Variants in BEST1 observed in about 807,000 individuals in gnomAD.
BEST1 encodes the protein bestrophin 1, also known as bestrophin-1.
Under a neutral mutation model 63.3 loss-of-function variants are expected in BEST1, and 58 were observed. The observed-to-expected ratio is 0.92, with a 90% CI of 0.74 to 1.14. The LOEUF is 1.14. Ranked by LOEUF, BEST1 falls within the 50% of genes most tolerant of loss-of-function variation. BEST1 has a pLI of 0.00. For synonymous variants in BEST1, 283 were observed against 291.6 expected, an observed-to-expected ratio of 0.97 and a Z score of 0.30; for missense variants, 671 against 740.1, an observed-to-expected ratio of 0.91 and a Z score of 1.08.
At chr11:61,950,974 C>A (rs971071313) in intron 1 of BEST1, among the ~76,000 whole-genome samples, 1 of 152,130 alleles carries the variant, frequency 6.6e-6, no homozygotes, top group South Asian at 2.1e-4. Flanking sequence ...CCTGGAGCCA[C>A]CATTCAGTAA....
chr11:61,962,763 G>A lies in BEST1; in HGVS notation c.1609G>A (p.Val537Met), dbSNP rs780280320. Residue 537 changes from valine (V) to methionine (M), a missense_variant, in exon 10 of 11, where the codon GTG (valine) becomes ATG (methionine). Coordinates refer to ENST00000378043, the MANE Select transcript of BEST1 (RefSeq NM_004183.4). Reference sequence around the variant, plus strand: ...AGTATCTCAAGTGAGGAGGAAAACTGTGGAGTTTAACCTGACGGATATGCC... The same window carrying A: ...AGTATCTCAAGTGAGGAGGAAAACTATGGAGTTTAACCTGACGGATATGCC... ...PEVSQVRRKT[V>M]EFNLTDMPEI... 5.0e-6 allele frequency: 8 copies of A among 1,614,078 alleles called. No individual in the cohort carries two copies. The highest frequency in any genetic ancestry group is 2.2e-5 in the South Asian group (2 of 91,090).
chr11:61,962,425 G>A lies in BEST1; in HGVS notation c.1271G>A (p.Gly424Asp). 6.2e-7 allele frequency: 1 copy of A among 1,614,174 alleles called. No individual in the cohort carries two copies. The highest frequency in any genetic ancestry group is 8.5e-7 in the Non-Finnish European group (1 of 1,180,040). ...WPKRESLLHE[G>D]LPKNHKAAKQ... Reference sequence around the variant, plus strand: ...AAGAGGGAATCCCTTCTCCACGAGGGCCTGCCCAAAAACCACAAGGCAGCC... The same window carrying A: ...AAGAGGGAATCCCTTCTCCACGAGGACCTGCCCAAAAACCACAAGGCAGCC... Residue 424 changes from glycine (G) to aspartate (D), a missense_variant, in exon 10 of 11, where the codon GGC (glycine) becomes GAC (aspartate). By Grantham distance (94) the Gly-to-Asp change is moderately conservative (BLOSUM62 -1). Transcript: ENST00000378043.
chr11:61,954,929 G>T, intron 2 of BEST1, 178 bp from the exon 3 acceptor site: 1 of 985,396 alleles, frequency 1.0e-6, no homozygotes, highest in Non-Finnish European at 1.2e-6. Flanking sequence ...CCGGGTTTGG[G>T]GCTGTACAAG....
intron 2 of BEST1, among the ~76,000 whole-genome samples, chr11:61,953,438 C>A (rs1940923988): frequency 1.3e-5 from 2 of 152,066 alleles, no homozygotes; most frequent in South Asian, 2.1e-4. Flanking sequence ...ATTGGCTAGG[C>A]CCTTTGGCTT....
At position 61,962,240 on chromosome 11, in the gene BEST1, C is replaced by T. The variant is rs1405064146; in HGVS notation, c.1101-15C>T. On this transcript the variant is annotated splice_polypyrimidine_tract_variant and intron_variant, in intron 9 of 10. Coordinates refer to ENST00000378043, the MANE Select transcript of BEST1 (RefSeq NM_004183.4). ...TGTCCACTGGCTCAGCCCTGCATCTCCTGTTTCTTTCCAGCCTGAACAAAG... is the reference window on the plus strand; with the variant it reads ...TGTCCACTGGCTCAGCCCTGCATCTTCTGTTTCTTTCCAGCCTGAACAAAG... The T allele has an allele frequency of 2.5e-6, 4 of 1,613,548 alleles. No individual in the cohort carries two copies. The highest frequency in any genetic ancestry group is 2.5e-6 in the Non-Finnish European group (3 of 1,179,900).
At position 61,959,294 on chromosome 11, in the gene BEST1, A is replaced by G. The variant is rs1362665469; in HGVS notation, c.868-204A>G. On this transcript the variant is annotated intron_variant, in intron 7 of 10. Transcript: ENST00000378043. ...TGGGTGTTCAGGGAAGGACTGGCTC[A>G]GAAGAGTTAGAGGGGCTGTGTCCAG... The G allele has an allele frequency of 4.8e-6, 3 of 627,066 alleles. No homozygotes were observed. The Admixed American group carries it at 7.1e-5, about 15-fold the overall frequency. The allele number at this position is 627,066 out of a possible 1,614,324, so 38.8% of individuals were successfully genotyped here.
intron 9 of BEST1, 75 bp from the exon 10 acceptor site, chr11:61,962,180 G>A: frequency 6.5e-7 from 1 of 1,528,210 alleles, no homozygotes; most frequent in Admixed American, 1.7e-5. Flanking sequence ...AGAGGAGCGG[G>A]GGTAAGGGAG....
intron 10 of BEST1, 93 bp from the exon 11 acceptor site, chr11:61,964,011 C>G: frequency 6.5e-7 from 1 of 1,546,270 alleles, no homozygotes; most frequent in Non-Finnish European, 8.7e-7. Flanking sequence ...AAAAAAGGAT[C>G]GTCTCAACCT....
intron 7 of BEST1, 141 bp from the exon 8 acceptor site, chr11:61,959,357 C>T: frequency 1.3e-6 from 1 of 794,876 alleles, no homozygotes; most frequent in South Asian, 1.5e-5. Flanking sequence ...GGGCTGGAGC[C>T]CTAAACTCTG....
At position 61,962,660 on chromosome 11, in the gene BEST1, A is replaced by G. The variant is rs1334139204; in HGVS notation, c.1506A>G (p.Leu502=). Residue 502 remains leucine (L), a synonymous_variant, in exon 10 of 11, where the codon TTA becomes TTG. Coordinates refer to ENST00000378043, the MANE Select transcript of BEST1 (RefSeq NM_004183.4). ...VTGIDTKDKS[L]KTVSSGAKKS... Reference sequence around the variant, plus strand: ...GCATAGACACCAAAGACAAAAGCTTAAAGACTGTGAGTTCTGGGGCCAAGA... The same window carrying G: ...GCATAGACACCAAAGACAAAAGCTTGAAGACTGTGAGTTCTGGGGCCAAGA... The G allele has an allele frequency of 1.2e-6, 2 of 1,614,116 alleles. No homozygotes were observed. Among genetic ancestry groups the G allele is most frequent in the Non-Finnish European group, 1.7e-6 (2 of 1,180,054 alleles).
At chr11:61,956,472 C>T (rs1941374388) in intron 4 of BEST1, among the ~76,000 whole-genome samples, 1 of 151,980 alleles carries the variant, frequency 6.6e-6, no homozygotes. Context: ...AGCAACATAG[C>T]GAGACCCCCA....
chr11:61,964,410 C>CTA lies in BEST1; in HGVS notation c.*288_*289insTA. On this transcript the variant is annotated 3_prime_UTR_variant, in exon 11 of 11. Transcript: ENST00000378043. ...GTTCTATCTGAATCCAAGACAGCCACACCTTAGTATACTGCCCAAACTAAT... is the reference window on the plus strand; with the variant it reads ...GTTCTATCTGAATCCAAGACAGCCACTAACCTTAGTATACTGCCCAAACTAAT... 1 of 631,772 alleles carries CTA rather than the reference C, an allele frequency of 1.6e-6. No individual in the cohort carries two copies. The highest frequency in any genetic ancestry group is 2.7e-6 in the Non-Finnish European group (1 of 368,690). The allele number at this position is 631,772 out of a possible 1,614,324, so 39.1% of individuals were successfully genotyped here. A position where few individuals can be genotyped will look rare whatever the true frequency, so the allele number is the denominator to read the frequency against.
intron 6 of BEST1, 69 bp from the exon 7 acceptor site, chr11:61,958,077 C>T (rs930523107): frequency 1.2e-6 from 2 of 1,610,014 alleles, no homozygotes; most frequent in Admixed American, 3.3e-5. Context: ...AGACTCCCAG[C>T]CCCTGGAGCA....
At chr11:61,956,014 AGGAAT>A in intron 4 of BEST1, 63 bp downstream of exon 4, 3 of 1,461,194 alleles carry the variant, frequency 2.1e-6, no homozygotes, top group Non-Finnish European at 2.8e-6. Context: ...TGGGCGCGGC[AGGAAT>A]GGAAGATGGG....
rs1941891455 is a variant in BEST1, at chr11:61,959,995, C to A, written c.1052C>A (p.Ser351Tyr). 1 of 1,611,906 alleles carries A rather than the reference C, an allele frequency of 6.2e-7. No individual in the cohort carries two copies. Among genetic ancestry groups the A allele is most frequent in the Middle Eastern group, 1.7e-4 (1 of 5,828 alleles). ...CCACAGCCCCCCTACACAGCTGCTT[C>A]CGCCCAGTTCCGTCGAGCCTCCTTT... ...PEPQPPYTAA[S>Y]AQFRRASFMG... is the part of the protein sequence containing the mutation. Residue 351 changes from serine to tyrosine, a missense_variant, in exon 9 of 11, where the codon TCC (serine) becomes TAC (tyrosine). By Grantham distance (144) the Ser-to-Tyr change is moderately radical. Coordinates refer to ENST00000378043, the MANE Select transcript of BEST1 (RefSeq NM_004183.4).
chr11:61,956,076 T>G (rs1256958557), intron 4 of BEST1, 125 bp downstream of exon 4: 23 of 1,017,978 alleles, frequency 2.3e-5, no homozygotes, highest in Admixed American at 5.0e-5. Context: ...GAGCCAGGAG[T>G]GGGGTGTAGT....
In BEST1 at chr11:61,963,903, G is replaced by A. The variant is rs1051740723; in HGVS notation, c.1740-201G>A. 2.0e-5 allele frequency: 27 copies of A among 1,373,300 alleles called. No homozygotes were observed. In the African/African-American group the frequency reaches 3.5e-4, roughly 18 times the overall value. The allele number at this position is 1,373,300 out of a possible 1,614,324, so 85.1% of individuals were successfully genotyped here. On this transcript the variant is annotated intron_variant, in intron 10 of 10. Coordinates refer to ENST00000378043, the MANE Select transcript of BEST1 (RefSeq NM_004183.4). Reference sequence around the variant, plus strand: ...CTGTAGTCCCAACGCAGGAGGTTGAGGGGAGAATTGCTTGAACCCAGGAGG... The same window carrying A: ...CTGTAGTCCCAACGCAGGAGGTTGAAGGGAGAATTGCTTGAACCCAGGAGG...
chr11:61,953,127 T>A (rs1179454926), intron 2 of BEST1, among the ~76,000 whole-genome samples: 1 of 152,140 alleles, frequency 6.6e-6, no homozygotes, highest in African/African-American at 2.4e-5. Context: ...ATCTAAACAA[T>A]AAAATATAAT....
intron 9 of BEST1, 47 bp downstream of exon 9, chr11:61,960,090 G>A: frequency 1.3e-6 from 2 of 1,588,780 alleles, no homozygotes; most frequent in South Asian, 2.3e-5. Flanking sequence ...TCCTAGTGCA[G>A]GGGTCTGCCT....
Sources: gnomAD v4.1 joint callset for allele counts (sites outside exome capture counted in the v4.1 genomes callset) on GRCh38, gnomAD v4.1.1 for gene constraint, MANE v1.5 for transcripts, NCBI Gene and HGNC (gene_info 2026-07-23, HGNC 2026-07-21) for gene names.